The following CFAP299 variants were observed in gnomAD, a reference collection of about 807,000 sequenced individuals.
CFAP299 encodes the protein cilia- and flagella-associated protein 299.
In CFAP299, 21 loss-of-function variants were observed where a neutral mutation model predicts 27.0. That is an observed-to-expected ratio of 0.78 (90% CI 0.55 to 1.12). The LOEUF (loss-of-function observed/expected upper bound fraction) is 1.12, where lower values mean the gene tolerates loss of function less well. Ranked by LOEUF, CFAP299 falls within the 50% of genes most tolerant of loss-of-function variation. The probability of loss-of-function intolerance (pLI) is 0.00; values close to 1 mark genes in which losing one functional copy is unlikely to be tolerated. For missense variants in CFAP299, 310 were observed against 276.6 expected (o/e 1.12, Z -0.86); for synonymous variants, 104 against 98.1 (o/e 1.06, Z -0.36).
chr4:80,943,915 A>T lies in CFAP299; in HGVS notation c.477-895A>T, dbSNP rs187302226. 4.0e-3 allele frequency among the ~76,000 whole-genome samples: 615 copies of T among 152,000 alleles called. 1 individual carries two copies. The highest frequency in any genetic ancestry group is 0.014 in the Middle Eastern group (4 of 294). On this transcript the variant is annotated intron_variant, in intron 4 of 5. Transcript: ENST00000358105. ...AACCCATCTCTGCTAAAAATACAAA[A>T]ATTAGCTGAGCGTGGTGGCGCACAC...
chr4:80,762,231 G>A, intron 3 of CFAP299, among the ~76,000 whole-genome samples: 1 of 151,744 alleles, frequency 6.6e-6, no homozygotes, highest in Non-Finnish European at 1.5e-5. Flanking sequence ...GAACGTTGAT[G>A]GACTAAAATA....
In CFAP299 at chr4:80,852,307, T is replaced by C. The variant is rs578070913; in HGVS notation, c.334-17686T>C. ...TTCTTGGACATCATCCCAGACCTAC[T>C]GAATCTGAAACTCTGGGGATGGGAC... On this transcript the variant is annotated intron_variant, in intron 3 of 5. Coordinates refer to ENST00000358105, the MANE Select transcript of CFAP299 (RefSeq NM_152770.3). 2.7e-3 allele frequency among the ~76,000 whole-genome samples: 407 copies of C among 152,282 alleles called. 2 individuals are homozygous for C. Among genetic ancestry groups the C allele is most frequent in the Non-Finnish European group, 4.9e-3 (335 of 68,018 alleles).
At chr4:80,918,580 ATG>A (rs1172193130) in intron 4 of CFAP299, among the ~76,000 whole-genome samples, 1 of 152,150 alleles carries the variant, frequency 6.6e-6, no homozygotes. Flanking sequence ...GTATTTGTGT[ATG>A]TGTGTGTTAA....
At chr4:80,540,109 T>A (rs1733929806) in intron 2 of CFAP299, among the ~76,000 whole-genome samples, 1 of 152,260 alleles carries the variant, frequency 6.6e-6, no homozygotes, top group Non-Finnish European at 1.5e-5. Flanking sequence ...ATTTTCTAAA[T>A]GCTGTCGCTT....
chr4:80,543,366 G>T (rs960062223), intron 2 of CFAP299, among the ~76,000 whole-genome samples: 8 of 152,160 alleles, frequency 5.3e-5, no homozygotes, highest in Non-Finnish European at 2.9e-5. Context: ...GATTGAAATG[G>T]CTAAAACGTC....
Position 80,447,653 on chromosome 4 carries a change from A to G in CFAP299, c.242+84769A>G, listed in dbSNP as rs918310350. 1.5e-4 allele frequency among the ~76,000 whole-genome samples: 23 copies of G among 149,386 alleles called. 1 individual carries two copies. The highest frequency in any genetic ancestry group is 3.4e-3 in the Middle Eastern group (1 of 296). On this transcript the variant is annotated intron_variant, in intron 2 of 5. Coordinates refer to ENST00000358105, the MANE Select transcript of CFAP299 (RefSeq NM_152770.3). ...TGTTTAGTAGAGATGGGGTTTCACC[A>G]TTTTGGCCAGGCTGGTCTGAAACTC...
intron 2 of CFAP299, among the ~76,000 whole-genome samples, chr4:80,447,138 T>TTTTTG (rs1728667255): frequency 1.8e-5 from 2 of 112,012 alleles, no homozygotes; most frequent in African/African-American, 7.6e-5. Context: ...TTGTTTTTTT[T>TTTTTG]TTTTTTTTTT....
At chr4:80,451,863 C>T (rs765999877) in intron 2 of CFAP299, among the ~76,000 whole-genome samples, 1 of 152,200 alleles carries the variant, frequency 6.6e-6, no homozygotes, top group Non-Finnish European at 1.5e-5. Flanking sequence ...TCCATTAAAT[C>T]TAAAGCCTGA....
intron 2 of CFAP299, among the ~76,000 whole-genome samples, chr4:80,449,248 ATAT>A (rs1473709618): frequency 1.3e-5 from 2 of 152,150 alleles, no homozygotes; most frequent in African/African-American, 4.8e-5. Context: ...TAGAGATGAA[ATAT>A]TATATATGTA....
intron 3 of CFAP299, among the ~76,000 whole-genome samples, chr4:80,676,268 A>G (rs1302417835): frequency 6.6e-6 from 1 of 152,156 alleles, no homozygotes; most frequent in Non-Finnish European, 1.5e-5. Context: ...CTCAATTTTC[A>G]TATTTTGAAC....
At chr4:80,645,825 T>A (rs1739979026) in intron 3 of CFAP299, among the ~76,000 whole-genome samples, 1 of 152,188 alleles carries the variant, frequency 6.6e-6, no homozygotes. Flanking sequence ...CTTTATGACT[T>A]ATAAGGTCAA....
At chr4:80,934,284 A>G (rs1160029334) in intron 4 of CFAP299, among the ~76,000 whole-genome samples, 2 of 152,104 alleles carry the variant, frequency 1.3e-5, no homozygotes, top group South Asian at 2.1e-4. Flanking sequence ...AATAGTGTAT[A>G]ATCTTTAGAT....
intron 1 of CFAP299, among the ~76,000 whole-genome samples, chr4:80,342,914 C>A (rs1722524974): frequency 6.6e-6 from 1 of 152,144 alleles, no homozygotes; most frequent in Admixed American, 6.5e-5. Flanking sequence ...CATTGCTATG[C>A]TGTATTCAAG....
intron 3 of CFAP299, among the ~76,000 whole-genome samples, chr4:80,589,075 G>C (rs1435646327): frequency 6.6e-6 from 1 of 152,142 alleles, no homozygotes; most frequent in Non-Finnish European, 1.5e-5. Flanking sequence ...TGGGGTGTTA[G>C]CTCAGAAGTA....
At position 80,799,905 on chromosome 4, in the gene CFAP299, A is replaced by ATT. The variant is rs1560417852; in HGVS notation, c.334-70088_334-70087insTT. ...ATATAATATATAAATTATATATTAT[A>ATT]ATATAATATATAATATATATATTTA... On this transcript the variant is annotated intron_variant, in intron 3 of 5. Transcript: ENST00000358105. Among the ~76,000 whole-genome samples, 49 of 41,148 alleles carry ATT rather than the reference A, an allele frequency of 1.2e-3. 1 individual carries two copies. Among genetic ancestry groups the ATT allele is most frequent in the African/African-American group, 5.2e-3 (48 of 9,294 alleles). The allele number at this position is 41,148 out of a possible 152,430, so 27.0% of individuals were successfully genotyped here.
chr4:80,378,176 A>T (rs1724515675), intron 2 of CFAP299, among the ~76,000 whole-genome samples: 1 of 152,098 alleles, frequency 6.6e-6, no homozygotes, highest in African/African-American at 2.4e-5. Flanking sequence ...TGTCCCTAGA[A>T]ATTTCATTTT....
chr4:80,525,919 T>G (rs1022208308), intron 2 of CFAP299, among the ~76,000 whole-genome samples: 1 of 152,174 alleles, frequency 6.6e-6, no homozygotes, highest in African/African-American at 2.4e-5. Flanking sequence ...GAGATCTGGT[T>G]TAGAATTAGC....
chr4:80,580,993 T>G (rs1736134649), intron 2 of CFAP299, among the ~76,000 whole-genome samples: 1 of 151,976 alleles, frequency 6.6e-6, no homozygotes, highest in Non-Finnish European at 1.5e-5. Flanking sequence ...TTATGCATAT[T>G]ATTATTGAGA....
At chr4:80,646,986 AGAGTGTGTGTG>A (rs1740046611) in intron 3 of CFAP299, among the ~76,000 whole-genome samples, 1 of 49,126 alleles carries the variant, frequency 2.0e-5, no homozygotes, top group Non-Finnish European at 6.4e-5. Flanking sequence ...AGAGAGAGAG[AGAGTGTGTGTG>A]TGTGTGTGTG....
Sources: gnomAD v4.1 joint callset for allele counts (sites outside exome capture counted in the v4.1 genomes callset) on GRCh38, gnomAD v4.1.1 for gene constraint, MANE v1.5 for transcripts, NCBI Gene and HGNC (gene_info 2026-07-23, HGNC 2026-07-21) for gene names.